The following SCIN variants were observed in gnomAD, a reference collection of about 807,000 sequenced individuals.
SCIN encodes adseverin.
In SCIN, 91 loss-of-function variants were observed where a neutral mutation model predicts 91.8. The ratio of observed to expected loss-of-function variants is 0.99; its 90% CI spans 0.84 to 1.18. SCIN has a LOEUF of 1.18. Among genes scored for constraint, SCIN ranks in the 50% most tolerant of loss-of-function variants. The probability of loss-of-function intolerance (pLI) is 0.00; values close to 1 mark genes in which losing one functional copy is unlikely to be tolerated. For synonymous variants in SCIN, 367 were observed against 312.6 expected, an observed-to-expected ratio of 1.17 and a Z score of -1.84; for missense variants, 1,087 against 863.9, an observed-to-expected ratio of 1.26 and a Z score of -3.24.
At chr7:12,594,999 G>T (rs1386796491) in intron 3 of SCIN, among the ~76,000 whole-genome samples, 1 of 152,084 alleles carries the variant, frequency 6.6e-6, no homozygotes, top group Non-Finnish European at 1.5e-5. Flanking sequence ...TCTTTAGCAG[G>T]TTCGGGAAGG....
intron 10 of SCIN, among the ~76,000 whole-genome samples, chr7:12,638,830 G>A (rs533653984): frequency 6.6e-6 from 1 of 152,226 alleles, no homozygotes; most frequent in African/African-American, 2.4e-5. Context: ...TTAATGAAAT[G>A]ACTGAATTCT....
chr7:12,643,232 T>C (rs925622674), intron 11 of SCIN, among the ~76,000 whole-genome samples: 1 of 152,162 alleles, frequency 6.6e-6, no homozygotes, highest in Admixed American at 6.5e-5. Flanking sequence ...TCAAGATCAT[T>C]TTACAGGTCT....
At chr7:12,598,781 T>TA (rs1258110035) in intron 3 of SCIN, among the ~76,000 whole-genome samples, 1 of 151,988 alleles carries the variant, frequency 6.6e-6, no homozygotes, top group Non-Finnish European at 1.5e-5. Context: ...TGGTGGCACA[T>TA]AGCTGTAGTC....
intron 3 of SCIN, among the ~76,000 whole-genome samples, chr7:12,583,000 C>T (rs1782519612): frequency 6.6e-6 from 1 of 152,076 alleles, no homozygotes; most frequent in Non-Finnish European, 1.5e-5. Context: ...CTGAGGTTCT[C>T]ATCTGTAAAA....
At chr7:12,633,125 C>G (rs1463464973) in intron 9 of SCIN, among the ~76,000 whole-genome samples, 1 of 151,988 alleles carries the variant, frequency 6.6e-6, no homozygotes, top group Non-Finnish European at 1.5e-5. Flanking sequence ...AATTTCAATA[C>G]AGGGACATAA....
At chr7:12,642,110 T>C (rs933173974) in intron 11 of SCIN, among the ~76,000 whole-genome samples, 1 of 151,738 alleles carries the variant, frequency 6.6e-6, no homozygotes, top group Non-Finnish European at 1.5e-5. Flanking sequence ...TAGCAATAAA[T>C]AATATATTTG....
chr7:12,581,088 A>C lies in SCIN; in HGVS notation c.383A>C (p.His128Pro), dbSNP rs1373642957. 1.3e-6 allele frequency: 2 copies of C among 1,551,274 alleles called. No homozygotes were observed. The highest frequency in any genetic ancestry group is 2.4e-5 in the South Asian group (2 of 84,028). ...GGAGGCGTGGCATCTGGATTAAATC[A>C]TGTTCTTACGAACGACCTGACAGCC... is the stretch of plus-strand genomic sequence containing the variant. ...KAGGVASGLN[H>P]VLTNDLTAKR... The change falls in exon 3 of 16, where the codon CAT (histidine) becomes CCT (proline). Residue 128 changes from histidine to proline, a missense_variant. Physicochemically the swap from His to Pro is moderately conservative, Grantham distance 77. Transcript: ENST00000297029.
chr7:12,599,737 A>G (rs1288604126), intron 3 of SCIN, among the ~76,000 whole-genome samples: 1 of 151,382 alleles, frequency 6.6e-6, no homozygotes, highest in Non-Finnish European at 1.5e-5. Context: ...GTGGTATCGC[A>G]TTGTGATTTT....
At chr7:12,627,609 C>T (rs1783553647) in intron 8 of SCIN, among the ~76,000 whole-genome samples, 1 of 152,132 alleles carries the variant, frequency 6.6e-6, no homozygotes, top group Non-Finnish European at 1.5e-5. Flanking sequence ...AATAATTTTT[C>T]CTCTTTTCAA....
intron 4 of SCIN, among the ~76,000 whole-genome samples, chr7:12,605,282 C>T (rs1030919539): frequency 5.3e-5 from 8 of 152,154 alleles, no homozygotes; most frequent in African/African-American, 1.9e-4. Context: ...ATCCCCTGAC[C>T]TTGTGATCCG....
chr7:12,590,871 C>A (rs192721726), intron 3 of SCIN, among the ~76,000 whole-genome samples: 7 of 152,044 alleles, frequency 4.6e-5, no homozygotes, highest in East Asian at 3.9e-4. Flanking sequence ...AGCGTGGGAA[C>A]GAGGAATGTG....
intron 3 of SCIN, among the ~76,000 whole-genome samples, chr7:12,604,107 T>C (rs1783021487): frequency 6.6e-6 from 1 of 152,078 alleles, no homozygotes; most frequent in South Asian, 2.1e-4. Context: ...ATGCAACATG[T>C]ATTTGTCAAT....
chr7:12,614,934 G>A (rs894108481), intron 4 of SCIN, among the ~76,000 whole-genome samples: 1 of 152,152 alleles, frequency 6.6e-6, no homozygotes, highest in African/African-American at 2.4e-5. Flanking sequence ...GGTGATATGG[G>A]CAGAGCACCA....
At chr7:12,620,289 T>C (rs961531000) in intron 4 of SCIN, among the ~76,000 whole-genome samples, 16 of 152,108 alleles carry the variant, frequency 1.1e-4, no homozygotes, top group African/African-American at 3.6e-4. Context: ...TACTATACTT[T>C]GTCTCCAGAA....
rs1784222130 is a variant in SCIN at position 12,659,316 on chromosome 7, C to G, written c.*6601C>G. The G allele has an allele frequency of 6.6e-6, 1 of 152,148 alleles. No homozygotes were observed. The highest frequency in any genetic ancestry group is 2.4e-5 in the African/African-American group (1 of 41,424). The allele number at this position is 152,148 out of a possible 1,614,324, so 9.4% of individuals were successfully genotyped here. A position where few individuals can be genotyped will look rare whatever the true frequency, so the allele number is the denominator to read the frequency against. On this transcript the variant is annotated 3_prime_UTR_variant, in exon 16 of 16. Transcript: ENST00000297029. ...ATTTGTCTATGGACTTAATCTATGT[C>G]TCTATGAGCTGGTAAACAATAGACA...
chr7:12,580,998 A>G, intron 2 of SCIN, 62 bp from the exon 3 acceptor site: 8 of 1,506,292 alleles, frequency 5.3e-6, no homozygotes, highest in Non-Finnish European at 7.2e-6. Context: ...TGCTTTGTCT[A>G]GGCAGACACC....
rs184643824 is a variant in SCIN, at chr7:12,647,287, C to T, written c.1882-2180C>T. Among the ~76,000 whole-genome samples the T allele has an allele frequency of 2.8e-3, 426 of 152,248 alleles. 4 individuals are homozygous for T. Among genetic ancestry groups the T allele is most frequent in the Non-Finnish European group, 4.9e-3 (333 of 68,020 alleles). On this transcript the variant is annotated intron_variant, in intron 13 of 15. Transcript: ENST00000297029. ...CATTTTCTTGTTTGATATTTGGAACCCCTTCTGCTCCCTTTATAGTTTAAG... is the reference window on the plus strand; with the variant it reads ...CATTTTCTTGTTTGATATTTGGAACTCCTTCTGCTCCCTTTATAGTTTAAG...
intron 4 of SCIN, among the ~76,000 whole-genome samples, chr7:12,605,872 T>C (rs993157286): frequency 3.3e-5 from 5 of 152,214 alleles, no homozygotes; most frequent in Non-Finnish European, 7.3e-5. Flanking sequence ...CTTAAATTAA[T>C]GTGAAAATTA....
intron 3 of SCIN, among the ~76,000 whole-genome samples, chr7:12,601,311 G>C (rs1488251228): frequency 2.0e-5 from 3 of 152,054 alleles, no homozygotes; most frequent in Non-Finnish European, 2.9e-5. Context: ...ACCATTTTTT[G>C]AGTGAAGAAA....
Sources: allele counts gnomAD v4.1 joint callset (sites outside exome capture counted in the v4.1 genomes callset), GRCh38; gene constraint gnomAD v4.1.1; transcripts MANE v1.5; gene names NCBI Gene and HGNC (gene_info 2026-07-23, HGNC 2026-07-21).